The following CELF5 variants were observed in gnomAD, a reference collection of about 807,000 sequenced individuals.
The protein encoded by CELF5 is CUG-BP and ETR-3 like factor 5.
CELF5 carries 6 observed loss-of-function variants against 54.9 expected under a neutral mutation model. That is an observed-to-expected ratio of 0.11 (90% CI 0.06 to 0.22). The LOEUF (loss-of-function observed/expected upper bound fraction) is 0.22. Among genes scored for constraint, CELF5 ranks in the 10% least tolerant of loss-of-function variants. The pLI is 1.00. For synonymous variants in CELF5, 271 were observed against 290.9 expected, an observed-to-expected ratio of 0.93 and a Z score of 0.70; for missense variants, 401 against 678.6, an observed-to-expected ratio of 0.59 and a Z score of 4.54.
At chr19:3,289,370 A>G (rs1247326398) in intron 10 of CELF5, among the ~76,000 whole-genome samples, 1 of 152,148 alleles carries the variant, frequency 6.6e-6, no homozygotes, top group Non-Finnish European at 1.5e-5. Flanking sequence ...AGCCTGGGCA[A>G]CATAGCGAAA....
At chr19:3,269,561 ACTC>A (rs1428872599) in intron 2 of CELF5, among the ~76,000 whole-genome samples, 1 of 151,400 alleles carries the variant, frequency 6.6e-6, no homozygotes, top group Middle Eastern at 3.4e-3. Flanking sequence ...ACTGCAAGAC[ACTC>A]CTCCTGCAGT....
At chr19:3,241,972 A>C (rs1165422873) in intron 1 of CELF5, among the ~76,000 whole-genome samples, 1 of 152,074 alleles carries the variant, frequency 6.6e-6, no homozygotes, top group Non-Finnish European at 1.5e-5. Context: ...ATGGGGTTTC[A>C]CCGTGTTGGG....
chr19:3,245,180 G>A (rs940061269), intron 1 of CELF5, among the ~76,000 whole-genome samples: 2 of 145,446 alleles, frequency 1.4e-5, no homozygotes, highest in South Asian at 2.2e-4. Flanking sequence ...GTGTCTTTGC[G>A]TGTGTGTGTG....
intron 11 of CELF5, among the ~76,000 whole-genome samples, chr19:3,290,859 C>A (rs929761678): frequency 6.6e-6 from 1 of 151,638 alleles, no homozygotes; most frequent in Non-Finnish European, 1.5e-5. Context: ...ATCCACTGCG[C>A]CTGGCCAATC....
chr19:3,288,278 T>G (rs2080286008), intron 10 of CELF5, among the ~76,000 whole-genome samples: 1 of 151,914 alleles, frequency 6.6e-6, no homozygotes, highest in Admixed American at 6.6e-5. Flanking sequence ...TCCCAGCACT[T>G]TGGGAGGCTG....
rs935922077 is a variant in CELF5 at position 3,228,694 on chromosome 19, G to T, written c.259+3696G>T. On this transcript the variant is annotated intron_variant, in intron 1 of 12. Transcript: ENST00000292672. This position sits in a 1 kb window ranked among gnomAD's most constrained non-coding sequence, Gnocchi z 6.0. Reference sequence around the variant, plus strand: ...ACCAGCTGCCGGCTCGACTCGGGAGGGGGGGAGGAGGAGGCTGTAGCAGGC... The same window carrying T: ...ACCAGCTGCCGGCTCGACTCGGGAGTGGGGGAGGAGGAGGCTGTAGCAGGC... Among the ~76,000 whole-genome samples the T allele has an allele frequency of 4.5e-4, 68 of 151,946 alleles. No individual in the cohort carries two copies. Among genetic ancestry groups the T allele is most frequent in the African/African-American group, 9.4e-4 (39 of 41,472 alleles).
At position 3,288,331 on chromosome 19, in the gene CELF5, G is replaced by A. The variant is rs1055011987; in HGVS notation, c.1187-1900G>A. Among the ~76,000 whole-genome samples the A allele has an allele frequency of 2.6e-5, 4 of 151,868 alleles. No homozygotes were observed. In the South Asian group the frequency reaches 6.2e-4, roughly 24 times the overall value. ...GAGGTTGGGAGTTCGAGACCAGCCT[G>A]GACAACATGGCGAAACCCTGTCTCT... On this transcript the variant is annotated intron_variant, in intron 10 of 12. Coordinates refer to ENST00000292672, the MANE Select transcript of CELF5 (RefSeq NM_021938.4).
rs904838196 is a variant in CELF5 at position 3,228,888 on chromosome 19, G to C, written c.259+3890G>C. Among the ~76,000 whole-genome samples, 1 of 148,680 alleles carries C rather than the reference G, an allele frequency of 6.7e-6. No homozygotes were observed. The highest frequency in any genetic ancestry group is 2.5e-5 in the African/African-American group (1 of 40,640). On this transcript the variant is annotated intron_variant, in intron 1 of 12. Coordinates refer to ENST00000292672, the MANE Select transcript of CELF5 (RefSeq NM_021938.4). The surrounding 1 kb of genome is among the most constrained non-coding windows in gnomAD (Gnocchi z 6.0). ...AGGGTTGGCCGGCGTGTGTGTGTGT[G>C]TGTGTGTGTGTGTGTGTGTGTGTGT...
At chr19:3,286,184 A>C in intron 10 of CELF5, 159 bp downstream of exon 10, 1 of 548,792 alleles carries the variant, frequency 1.8e-6, no homozygotes, top group Non-Finnish European at 3.1e-6. Flanking sequence ...GCAGCCGCTG[A>C]CCCCTGGGAA....
chr19:3,279,436 G>T (rs1458643650), intron 5 of CELF5, among the ~76,000 whole-genome samples: 1 of 152,162 alleles, frequency 6.6e-6, no homozygotes, highest in Admixed American at 6.5e-5. Flanking sequence ...TTAAAACCCA[G>T]GGGAGGGGCT....
chr19:3,287,203 A>G (rs2080267346), intron 10 of CELF5, among the ~76,000 whole-genome samples: 1 of 151,888 alleles, frequency 6.6e-6, no homozygotes, highest in African/African-American at 2.4e-5. Flanking sequence ...AACATGGAAT[A>G]ACTTCACAGG....
At chr19:3,230,492 T>C (rs1411324891) in intron 1 of CELF5, among the ~76,000 whole-genome samples, 3 of 152,136 alleles carry the variant, frequency 2.0e-5, no homozygotes, top group Non-Finnish European at 2.9e-5. Flanking sequence ...GCATGAAGAA[T>C]TTGCACAGCT....
intron 2 of CELF5, among the ~76,000 whole-genome samples, chr19:3,259,703 G>T (rs1188094510): frequency 6.6e-6 from 1 of 152,042 alleles, no homozygotes; most frequent in Non-Finnish European, 1.5e-5. Flanking sequence ...CTGGGGAGGG[G>T]GTCTCAATCA....
At chr19:3,279,870 A>T (rs1372293160) in intron 5 of CELF5, among the ~76,000 whole-genome samples, 1 of 151,994 alleles carries the variant, frequency 6.6e-6, no homozygotes, top group Non-Finnish European at 1.5e-5. Context: ...ACCTGGCTAA[A>T]TTTTGTATTT....
intron 11 of CELF5, among the ~76,000 whole-genome samples, chr19:3,290,724 C>T (rs1269275959): frequency 2.4e-5 from 3 of 124,332 alleles, no homozygotes; most frequent in Non-Finnish European, 5.5e-5. Context: ...CCACCACACC[C>T]AGCTAATTTT....
At chr19:3,254,605 T>G (rs2079695638) in intron 2 of CELF5, among the ~76,000 whole-genome samples, 1 of 145,036 alleles carries the variant, frequency 6.9e-6, no homozygotes, top group Non-Finnish European at 1.5e-5. Flanking sequence ...ATCCATGCAT[T>G]CATTCACCCA....
At position 3,256,448 on chromosome 19, in the gene CELF5, A is replaced by C. The variant is rs976208964; in HGVS notation, c.342+5381A>C. The stretch of plus-strand genomic sequence containing the variant: ...TATGACAGAATGAGGATACAGTACA[A>C]ACAGAAAATAAGCAAGCCAGTGAGA... On this transcript the variant is annotated intron_variant, in intron 2 of 12. Coordinates refer to ENST00000292672, the MANE Select transcript of CELF5 (RefSeq NM_021938.4). Among the ~76,000 whole-genome samples the C allele has an allele frequency of 5.9e-5, 9 of 152,264 alleles. No individual in the cohort carries two copies. In the East Asian group the frequency reaches 9.6e-4, roughly 16 times the overall value.
At chr19:3,283,798 TTC>T (rs983363004) in intron 8 of CELF5, among the ~76,000 whole-genome samples, 1 of 151,660 alleles carries the variant, frequency 6.6e-6, no homozygotes, top group Non-Finnish European at 1.5e-5. Flanking sequence ...ATACAATTAA[TTC>T]AACTCCAGAC....
rs749241849 is a variant in CELF5 at position 3,275,839 on chromosome 19, G to C, written c.395-17G>C. The C allele has an allele frequency of 1.1e-5, 17 of 1,599,848 alleles. No homozygotes were observed. Among genetic ancestry groups the C allele is most frequent in the Middle Eastern group, 1.7e-4 (1 of 6,038 alleles). On this transcript the variant is annotated splice_polypyrimidine_tract_variant and intron_variant, in intron 3 of 12. Transcript: ENST00000292672. The surrounding 1 kb of genome is among the most constrained non-coding windows in gnomAD (Gnocchi z 6.7). ...GGAGGCCGGGGACTCGGCTGAGGTG[G>C]GTGTCGCCGCCCACAGGGGACCGGA...
Sources: gnomAD v4.1 joint callset for allele counts (sites outside exome capture counted in the v4.1 genomes callset) on GRCh38, gnomAD v4.1.1 for gene constraint, Gnocchi (gnomAD v3.1) non-coding constraint, MANE v1.5 for transcripts, NCBI Gene and HGNC (gene_info 2026-07-23, HGNC 2026-07-21) for gene names.